The following RNGTT variants were observed in gnomAD, a reference collection of about 807,000 sequenced individuals.
RNGTT encodes mRNA-capping enzyme.
Under a neutral mutation model 79.3 loss-of-function variants are expected in RNGTT, and 33 were observed. That is an observed-to-expected ratio of 0.42 (90% CI 0.32 to 0.56). The LOEUF (loss-of-function observed/expected upper bound fraction) is 0.56, where lower values mean the gene tolerates loss of function less well. Among genes scored for constraint, RNGTT ranks in the 20% least tolerant of loss-of-function variants. The pLI, the probability that RNGTT is intolerant of heterozygous loss-of-function variation, is 0.17. For missense variants in RNGTT, 497 were observed against 739.1 expected (o/e 0.67, Z 3.80); for synonymous variants, 222 against 235.9 (o/e 0.94, Z 0.54).
chr6:88,834,318 G>T (rs568482488), intron 11 of RNGTT, among the ~76,000 whole-genome samples: 1 of 152,054 alleles, frequency 6.6e-6, no homozygotes, highest in Non-Finnish European at 1.5e-5. Context: ...TTTAGTATGC[G>T]TTATATGATT....
chr6:88,871,033 T>A (rs1422468104), intron 8 of RNGTT, among the ~76,000 whole-genome samples: 1 of 152,164 alleles, frequency 6.6e-6, no homozygotes. Flanking sequence ...GTTTGTAGTT[T>A]TTACTACAAA....
At chr6:88,843,952 A>G (rs945821446) in intron 11 of RNGTT, among the ~76,000 whole-genome samples, 6 of 149,742 alleles carry the variant, frequency 4.0e-5, no homozygotes, top group African/African-American at 1.5e-4. Context: ...ATATATCTGT[A>G]TATATATATA....
chr6:88,890,755 TA>T (rs1562304904), intron 7 of RNGTT, among the ~76,000 whole-genome samples, 159 bp from the exon 8 acceptor site: 1 of 152,182 alleles, frequency 6.6e-6, no homozygotes, highest in Non-Finnish European at 1.5e-5. Context: ...AAAATACTAA[TA>T]AAAGATTATC....
intron 14 of RNGTT, among the ~76,000 whole-genome samples, chr6:88,643,077 CACCTA>C (rs975109074): frequency 1.3e-5 from 2 of 152,058 alleles, no homozygotes; most frequent in African/African-American, 4.8e-5. Context: ...GCATTTAATA[CACCTA>C]ACCTACCTAA....
chr6:88,826,848 G>A (rs1417699106), intron 11 of RNGTT, among the ~76,000 whole-genome samples: 23 of 140,148 alleles, frequency 1.6e-4, no homozygotes, highest in African/African-American at 5.7e-4. Context: ...ATATATATGT[G>A]TGTGTGTATA....
chr6:88,959,955 CT>C (rs1223350625), intron 1 of RNGTT, among the ~76,000 whole-genome samples: 1 of 152,176 alleles, frequency 6.6e-6, no homozygotes, highest in Non-Finnish European at 1.5e-5. Flanking sequence ...ATAACACCCC[CT>C]GCCAACTATT....
At chr6:88,904,588 A>AAGGGCTAGGATGAATCATCTGAC in intron 6 of RNGTT, 127 bp downstream of exon 6, 1 of 1,147,496 alleles carries the variant, frequency 8.7e-7, no homozygotes, top group Non-Finnish European at 1.2e-6. Flanking sequence ...TTTTTTTAGA[A>AAGGGCTAGGATGAATCATCTGAC]AGGGCTAGGA....
intron 13 of RNGTT, among the ~76,000 whole-genome samples, chr6:88,763,156 T>G (rs1203457537): frequency 6.8e-6 from 1 of 146,992 alleles, no homozygotes; most frequent in Non-Finnish European, 1.5e-5. Context: ...TTGCCCAGGC[T>G]GGTCTCAAAC....
chr6:88,850,778 T>G (rs867685737), intron 9 of RNGTT, among the ~76,000 whole-genome samples: 1 of 151,986 alleles, frequency 6.6e-6, no homozygotes, highest in African/African-American at 2.4e-5. Context: ...TCCAGCAGGA[T>G]AGTGGATAGG....
intron 1 of RNGTT, among the ~76,000 whole-genome samples, chr6:88,942,491 C>T (rs1177508783): frequency 6.6e-6 from 1 of 151,974 alleles, no homozygotes; most frequent in Non-Finnish European, 1.5e-5. Flanking sequence ...CCACCTCAGC[C>T]CCCCAGTAGC....
intron 13 of RNGTT, among the ~76,000 whole-genome samples, chr6:88,757,040 T>A (rs747750519): frequency 6.6e-6 from 1 of 152,230 alleles, no homozygotes; most frequent in East Asian, 1.9e-4. Flanking sequence ...GCCACACTGC[T>A]ACATTACCAA....
intron 13 of RNGTT, among the ~76,000 whole-genome samples, chr6:88,683,262 G>A (rs941987753): frequency 6.6e-6 from 1 of 151,492 alleles, no homozygotes; most frequent in Non-Finnish European, 1.5e-5. Flanking sequence ...ATAATCAGTA[G>A]GACAAAGAAA....
Position 88,903,221 on chromosome 6 carries a change from C to T in RNGTT, c.684+1494G>A, listed in dbSNP as rs112597382. Among the ~76,000 whole-genome samples the T allele has an allele frequency of 5.8e-3, 877 of 152,242 alleles. 7 individuals are homozygous for T. Among genetic ancestry groups the T allele is most frequent in the African/African-American group, 0.02 (839 of 41,532 alleles). ...TGCCTGAATAAATAAAACCCAGCAACATGGTGCTTGTAAGAGATACACTGT... is the reference window on the plus strand; with the variant it reads ...TGCCTGAATAAATAAAACCCAGCAATATGGTGCTTGTAAGAGATACACTGT... On this transcript the variant is annotated intron_variant, in intron 6 of 15. Coordinates refer to ENST00000369485, the MANE Select transcript of RNGTT (RefSeq NM_003800.5).
At chr6:88,772,274 T>TTAA (rs1000415695) in intron 12 of RNGTT, among the ~76,000 whole-genome samples, 1 of 151,584 alleles carries the variant, frequency 6.6e-6, no homozygotes, top group Admixed American at 6.6e-5. Flanking sequence ...ACTGATTTCT[T>TTAA]TAAAAAAAAA....
intron 6 of RNGTT, among the ~76,000 whole-genome samples, chr6:88,898,073 A>T (rs1199323026): frequency 6.6e-6 from 1 of 152,116 alleles, no homozygotes; most frequent in African/African-American, 2.4e-5. Context: ...TATAAATCTG[A>T]GTTATGAGTA....
intron 14 of RNGTT, among the ~76,000 whole-genome samples, chr6:88,620,114 T>C (rs1354608673): frequency 1.3e-5 from 2 of 152,228 alleles, no homozygotes; most frequent in African/African-American, 4.8e-5. Context: ...TTTGTGCCTC[T>C]ATAATGAGGA....
chr6:88,771,322 T>C (rs1778664280), intron 12 of RNGTT, among the ~76,000 whole-genome samples: 1 of 85,422 alleles, frequency 1.2e-5, no homozygotes. Flanking sequence ...TGTGTATATA[T>C]ATATATATAT....
intron 11 of RNGTT, among the ~76,000 whole-genome samples, chr6:88,822,440 T>C (rs903093288): frequency 7.9e-5 from 12 of 152,236 alleles, no homozygotes; most frequent in African/African-American, 2.9e-4. Flanking sequence ...TTGCTAACTA[T>C]GTTTTTCAAA....
At chr6:88,700,017 A>G (rs1215951418) in intron 13 of RNGTT, among the ~76,000 whole-genome samples, 5 of 152,166 alleles carry the variant, frequency 3.3e-5, no homozygotes, top group Admixed American at 3.3e-4. Context: ...GGAAATTAAT[A>G]ATGCACTTAA....
Sources: gnomAD v4.1 joint callset for allele counts (sites outside exome capture counted in the v4.1 genomes callset) on GRCh38, gnomAD v4.1.1 for gene constraint, MANE v1.5 for transcripts, NCBI Gene and HGNC (gene_info 2026-07-23, HGNC 2026-07-21) for gene names.